GNAI1: variants seen among roughly 807,000 people sequenced by gnomAD.
GNAI1 encodes G protein subunit alpha i1.
GNAI1 carries 11 observed loss-of-function variants against 38.9 expected under a neutral mutation model. The observed-to-expected ratio is 0.28, with a 90% CI of 0.18 to 0.47. The LOEUF is 0.47. Among genes scored for constraint, GNAI1 ranks in the 20% least tolerant of loss-of-function variants. The probability of loss-of-function intolerance (pLI) is 0.99; values close to 1 mark genes in which losing one functional copy is unlikely to be tolerated. For missense variants in GNAI1, 317 were observed against 436.9 expected, an observed-to-expected ratio of 0.73 and a Z score of 2.45; for synonymous variants, 166 against 145.1, an observed-to-expected ratio of 1.14 and a Z score of -1.04.
At chr7:80,192,277 A>G (rs2115644597) in intron 3 of GNAI1, among the ~76,000 whole-genome samples, 1 of 152,016 alleles carries the variant, frequency 6.6e-6, no homozygotes, top group Admixed American at 6.5e-5. Flanking sequence ...TTGTAGTTTT[A>G]TTTTTTATAT....
rs1788897709 is a variant in GNAI1, at chr7:80,212,835, G to C, written c.840G>C (p.Lys280Asn). ...ATCTCTTTGAAGAAAAAATCAAAAA[G>C]AGCCCTCTCACTATATGCTATCCAG... is the stretch of plus-strand genomic sequence containing the variant. The part of the protein sequence containing the change: ...KKDLFEEKIK[K>N]SPLTICYPEY... The change falls in exon 7 of 8, where the codon AAG (lysine) becomes AAC (asparagine). Residue 280 changes from lysine to asparagine, a missense_variant. Around this residue, in one of 5 missense-constraint regions of GNAI1, gnomAD observed 158 missense variants for 234.7 expected, o/e 0.67. Transcript: ENST00000649796. 6.3e-7 allele frequency: 1 copy of C among 1,582,570 alleles called. No homozygotes were observed. The highest frequency in any genetic ancestry group is 1.4e-5 in the African/African-American group (1 of 73,184).
At chr7:80,190,721 C>T (rs1023367159) in intron 3 of GNAI1, among the ~76,000 whole-genome samples, 1 of 152,096 alleles carries the variant, frequency 6.6e-6, no homozygotes, top group African/African-American at 2.4e-5. Context: ...AAACCTTTTG[C>T]CAAATTCACA....
intron 1 of GNAI1, among the ~76,000 whole-genome samples, chr7:80,139,678 G>A (rs1056352275): frequency 1.3e-5 from 2 of 152,128 alleles, no homozygotes; most frequent in African/African-American, 2.4e-5. Flanking sequence ...ATCAATGAGA[G>A]CAAATAACTG....
chr7:80,165,288 C>G (rs553851666), intron 1 of GNAI1, among the ~76,000 whole-genome samples: 1 of 152,294 alleles, frequency 6.6e-6, no homozygotes, highest in South Asian at 2.1e-4. Context: ...GGTGACCTTT[C>G]AAGTCCTTTC....
intron 1 of GNAI1, among the ~76,000 whole-genome samples, chr7:80,176,260 T>C (rs1562832521): frequency 6.6e-6 from 1 of 152,174 alleles, no homozygotes; most frequent in Non-Finnish European, 1.5e-5. Flanking sequence ...AGGCCCTACC[T>C]CTTCCGTTCC....
At chr7:80,200,496 G>T (rs550377399) in intron 4 of GNAI1, among the ~76,000 whole-genome samples, 92 of 152,094 alleles carry the variant, frequency 6.0e-4, no homozygotes, top group African/African-American at 2.1e-3. Context: ...TACTTTCCAG[G>T]ATTGTTCCAT....
At position 80,222,213 on chromosome 7, in the gene GNAI1, C is replaced by G. The variant is rs1789091145; in HGVS notation, c.*4720C>G. On this transcript the variant is annotated 3_prime_UTR_variant, in exon 8 of 8. Coordinates refer to ENST00000649796, the MANE Select transcript of GNAI1 (RefSeq NM_002069.6). ...TCAGCTGCAATTGTCCAAGCCAGAG[C>G]TGATTAGGCCTCAACTGGAATAGTC... Among the ~76,000 whole-genome samples the G allele has an allele frequency of 6.6e-6, 1 of 152,022 alleles. No individual in the cohort carries two copies. Among genetic ancestry groups the G allele is most frequent in the Non-Finnish European group, 1.5e-5 (1 of 68,002 alleles).
chr7:80,176,936 C>CAAAAA (rs374205117), intron 1 of GNAI1, among the ~76,000 whole-genome samples: 6 of 71,252 alleles, frequency 8.4e-5, no homozygotes, highest in Non-Finnish European at 1.5e-4. Context: ...GACTCTGTCT[C>CAAAAA]AAAAAAAAAA....
At chr7:80,202,735 T>TA (rs1208447824) in intron 4 of GNAI1, among the ~76,000 whole-genome samples, 2 of 152,212 alleles carry the variant, frequency 1.3e-5, no homozygotes, top group African/African-American at 4.8e-5. Flanking sequence ...GGTCTCGTAA[T>TA]AAAAACACTG....
intron 7 of GNAI1, among the ~76,000 whole-genome samples, chr7:80,214,475 C>T (rs987098559): frequency 2.0e-5 from 3 of 152,136 alleles, no homozygotes; most frequent in Non-Finnish European, 2.9e-5. Context: ...TAAGAATATA[C>T]TTGTTAGCTC....
At chr7:80,163,877 C>T (rs531307113) in intron 1 of GNAI1, among the ~76,000 whole-genome samples, 1 of 151,898 alleles carries the variant, frequency 6.6e-6, no homozygotes, top group Non-Finnish European at 1.5e-5. Context: ...AGATATGGTC[C>T]ATGCCTTTTT....
At chr7:80,211,294 C>A (rs1393112434) in intron 6 of GNAI1, among the ~76,000 whole-genome samples, 196 bp downstream of exon 6, 2 of 152,188 alleles carry the variant, frequency 1.3e-5, no homozygotes, top group African/African-American at 4.8e-5. Context: ...GTCAATCTCA[C>A]CTCAAGCCTG....
At chr7:80,188,105 A>G (rs1788418998) in intron 1 of GNAI1, among the ~76,000 whole-genome samples, 1 of 152,178 alleles carries the variant, frequency 6.6e-6, no homozygotes, top group African/African-American at 2.4e-5. Flanking sequence ...GTCCAGCACA[A>G]CACTGAACCC....
rs1042675354 is a variant in GNAI1, at chr7:80,219,806, A to T, written c.*2313A>T. ...TACATGTGCCATGGTGGTTTGCTGC[A>T]CCTATCAACCTGTCATCTAAGTTTT... is the stretch of plus-strand genomic sequence containing the variant. On this transcript the variant is annotated 3_prime_UTR_variant, in exon 8 of 8. Transcript: ENST00000649796. Among the ~76,000 whole-genome samples the T allele has an allele frequency of 1.2e-4, 19 of 152,094 alleles. No homozygotes were observed. Among genetic ancestry groups the T allele is most frequent in the African/African-American group, 3.9e-4 (16 of 41,434 alleles).
At chr7:80,210,809 G>T (rs1300489758) in intron 5 of GNAI1, among the ~76,000 whole-genome samples, 160 bp from the exon 6 acceptor site, 3 of 148,340 alleles carry the variant, frequency 2.0e-5, no homozygotes, top group Non-Finnish European at 4.5e-5. Flanking sequence ...CTTTTGAGAA[G>T]TCCAGTTTGT....
intron 1 of GNAI1, chr7:80,135,505 C>T (rs1260076268): frequency 9.8e-6 from 4 of 408,214 alleles, no homozygotes; most frequent in African/African-American, 2.1e-5. Flanking sequence ...GCGGGCGCGT[C>T]ACTTCACTCG....
At chr7:80,142,715 T>C (rs1178713483) in intron 1 of GNAI1, among the ~76,000 whole-genome samples, 5 of 152,140 alleles carry the variant, frequency 3.3e-5, no homozygotes, top group Non-Finnish European at 7.4e-5. Context: ...GTATTTTGAG[T>C]GAATTTTAGC....
intron 1 of GNAI1, among the ~76,000 whole-genome samples, chr7:80,186,835 A>G (rs1450588411): frequency 6.6e-6 from 1 of 152,208 alleles, no homozygotes; most frequent in African/African-American, 2.4e-5. Flanking sequence ...GAAACTGCCT[A>G]GGTTATATTG....
chr7:80,204,200 C>T (rs1788734567), intron 5 of GNAI1, among the ~76,000 whole-genome samples: 1 of 152,058 alleles, frequency 6.6e-6, no homozygotes, highest in South Asian at 2.1e-4. Flanking sequence ...TTACTGATAG[C>T]ATAAGTGCTT....
Sources: gnomAD v4.1 joint callset for allele counts (sites outside exome capture counted in the v4.1 genomes callset) on GRCh38, gnomAD v4.1.1 for gene constraint, gnomAD v4.1.1 regional missense constraint, MANE v1.5 for transcripts, NCBI Gene and HGNC (gene_info 2026-07-23, HGNC 2026-07-21) for gene names.